Variants in RAI1 observed in about 807,000 individuals in gnomAD.
RAI1 encodes retinoic acid-induced protein 1.
In RAI1, 9 loss-of-function variants were observed where a neutral mutation model predicts 123.8. The ratio of observed to expected loss-of-function variants is 0.07; its 90% CI spans 0.04 to 0.13. The LOEUF is 0.13. RAI1 is among the 10% of genes least tolerant of loss of function. The pLI is 1.00. For missense variants in RAI1, 2,256 were observed against 2,545.8 expected, an observed-to-expected ratio of 0.89 and a Z score of 2.45; for synonymous variants, 1,231 against 1,127.3, an observed-to-expected ratio of 1.09 and a Z score of -1.84.
intron 1 of RAI1, chr17:17,683,956 C>T (rs535059077): frequency 6.6e-6 from 1 of 152,408 alleles, no homozygotes; most frequent in East Asian, 1.9e-4. Flanking sequence ...TCACTTCAGC[C>T]TCAACCTCCA....
intron 1 of RAI1, among the ~76,000 whole-genome samples, chr17:17,708,876 G>A (rs1321725650): frequency 6.6e-6 from 1 of 152,236 alleles, no homozygotes. Flanking sequence ...AAACATTCCA[G>A]CTTCACAGCT....
At chr17:17,774,338 C>T (rs1011968551) in intron 2 of RAI1, among the ~76,000 whole-genome samples, 7 of 152,230 alleles carry the variant, frequency 4.6e-5, no homozygotes, top group African/African-American at 9.6e-5. Flanking sequence ...GTCAGGTACT[C>T]GGTGTTCTTT....
rs1009188943 is a variant in RAI1 at position 17,800,557 on chromosome 17, A to G, written c.5565+2044A>G. 2.0e-5 allele frequency among the ~76,000 whole-genome samples: 3 copies of G among 151,868 alleles called. No individual in the cohort carries two copies. Among genetic ancestry groups the G allele is most frequent in the African/African-American group, 7.3e-5 (3 of 41,332 alleles). On this transcript the variant is annotated intron_variant, in intron 3 of 5. Coordinates refer to ENST00000353383, the MANE Select transcript of RAI1 (RefSeq NM_030665.4). The surrounding 1 kb of genome is among the most constrained non-coding windows in gnomAD (Gnocchi z 4.7). ...GTGTCTTAACCGCCCATGCACACAC[A>G]AGGTCCTGCTGGACTGAGGAGACAG...
intron 2 of RAI1, among the ~76,000 whole-genome samples, chr17:17,750,709 A>AAG (rs1263695515): frequency 1.3e-5 from 2 of 151,376 alleles, no homozygotes; most frequent in African/African-American, 4.9e-5. Context: ...AAAAAAAAAA[A>AAG]AAAAGAAAAG....
In RAI1 at chr17:17,685,218, C is replaced by T. The variant is rs1350899987; in HGVS notation, c.-149+3425C>T. On this transcript the variant is annotated intron_variant, in intron 1 of 5. Transcript: ENST00000353383. The surrounding 1 kb of genome is among the most constrained non-coding windows in gnomAD (Gnocchi z 4.0). ...AACAGCAACGGTGTGCGCAGAGCAG[C>T]GTCTCTGCGGGAGAGGCACCTGGGC... Among the ~76,000 whole-genome samples the T allele has an allele frequency of 1.3e-5, 2 of 152,360 alleles. No homozygotes were observed. Among genetic ancestry groups the T allele is most frequent in the South Asian group, 2.1e-4 (1 of 4,830 alleles).
At chr17:17,737,901 C>A (rs1916489009) in intron 2 of RAI1, among the ~76,000 whole-genome samples, 1 of 152,212 alleles carries the variant, frequency 6.6e-6, no homozygotes, top group Non-Finnish European at 1.5e-5. Context: ...GAAATTTCAG[C>A]CTCAGTGATC....
intron 1 of RAI1, among the ~76,000 whole-genome samples, chr17:17,703,984 C>T (rs753957811): frequency 9.2e-5 from 14 of 152,164 alleles, no homozygotes; most frequent in East Asian, 1.9e-4. Context: ...GGGGACTGAC[C>T]GTGGGAGCAG....
At chr17:17,704,470 C>T (rs542531610) in intron 1 of RAI1, among the ~76,000 whole-genome samples, 1 of 152,250 alleles carries the variant, frequency 6.6e-6, no homozygotes, top group African/African-American at 2.4e-5. Context: ...CCAGGGCAGT[C>T]CTTAACCACC....
rs993434276 is a variant in RAI1 at position 17,800,212 on chromosome 17, C to G, written c.5565+1699C>G. ...TCTCTCTCTCTCTCTCTCTCTCTCT[C>G]TCTCTCTCTCTCTCTCATTACTGGC... On this transcript the variant is annotated intron_variant, in intron 3 of 5. Coordinates refer to ENST00000353383, the MANE Select transcript of RAI1 (RefSeq NM_030665.4). The surrounding 1 kb of genome is among the most constrained non-coding windows in gnomAD (Gnocchi z 4.7). Among the ~76,000 whole-genome samples, 7 of 142,412 alleles carry G rather than the reference C, an allele frequency of 4.9e-5. No individual in the cohort carries two copies. The highest frequency in any genetic ancestry group is 1.6e-4 in the African/African-American group (6 of 37,240). The allele number at this position is 142,412 out of a possible 152,430, so 93.4% of individuals were successfully genotyped here. A position where few individuals can be genotyped will look rare whatever the true frequency, so the allele number is the denominator to read the frequency against.
chr17:17,804,864 A>AT (rs2032565502), intron 4 of RAI1, among the ~76,000 whole-genome samples: 1 of 151,018 alleles, frequency 6.6e-6, no homozygotes, highest in African/African-American at 2.4e-5. Context: ...TTATTTATTT[A>AT]TTTATTTATT....
chr17:17,704,647 C>T (rs1915336277), intron 1 of RAI1, among the ~76,000 whole-genome samples: 1 of 152,154 alleles, frequency 6.6e-6, no homozygotes, highest in Admixed American at 6.5e-5. Flanking sequence ...TATGCATAGT[C>T]CTGACATCAG....
Position 17,775,341 on chromosome 17 carries a change from C to T in RAI1, c.-16-17592C>T, listed in dbSNP as rs544300030. Among the ~76,000 whole-genome samples the T allele has an allele frequency of 5.9e-5, 9 of 151,918 alleles. No individual in the cohort carries two copies. The South Asian group carries it at 1.9e-3, about 32-fold the overall frequency. On this transcript the variant is annotated intron_variant, in intron 2 of 5. Coordinates refer to ENST00000353383, the MANE Select transcript of RAI1 (RefSeq NM_030665.4). ...AGCTCAGCCTCCCAAGTAGCTGAGA[C>T]TACAGGCATGCATCACCATGCCCAG...
chr17:17,774,752 T>C (rs1340484995), intron 2 of RAI1, among the ~76,000 whole-genome samples: 1 of 152,274 alleles, frequency 6.6e-6, no homozygotes, highest in Non-Finnish European at 1.5e-5. Context: ...AAGTAACAGC[T>C]AACTTAGTTG....
chr17:17,720,155 C>G (rs187216060), intron 1 of RAI1, among the ~76,000 whole-genome samples: 2 of 152,208 alleles, frequency 1.3e-5, no homozygotes, highest in Non-Finnish European at 2.9e-5. Flanking sequence ...TCTACCCACC[C>G]TGCCTCTCTG....
intron 2 of RAI1, among the ~76,000 whole-genome samples, chr17:17,776,137 ACTC>A (rs1390360425): frequency 6.6e-6 from 1 of 151,844 alleles, no homozygotes; most frequent in African/African-American, 2.4e-5. Context: ...AGGGGAGCTG[ACTC>A]CTCTTGGCAG....
chr17:17,788,018 G>A (rs77499566), intron 2 of RAI1, among the ~76,000 whole-genome samples: 2,827 of 152,262 alleles, frequency 0.019, 86 homozygotes, highest in African/African-American at 0.064. Context: ...CCTCAACTGA[G>A]CCTGGCTAGG....
rs1337532304 is a variant in RAI1, at chr17:17,810,066, G to T, written c.*85G>T. 2 of 1,518,884 alleles carry T rather than the reference G, an allele frequency of 1.3e-6. No homozygotes were observed. Among genetic ancestry groups the T allele is most frequent in the Non-Finnish European group, 8.9e-7 (1 of 1,129,402 alleles). 94.1% of individuals were successfully genotyped at this position (1,518,884 alleles called of 1,614,324 possible). ...GAGAGGAGCCGCCTGCGCAGCCCCC[G>T]GGCCTTTGAGCTGCTCCCAGCGCTG... On this transcript the variant is annotated 3_prime_UTR_variant, in exon 6 of 6. Coordinates refer to ENST00000353383, the MANE Select transcript of RAI1 (RefSeq NM_030665.4). This position sits in a 1 kb window ranked among gnomAD's most constrained non-coding sequence, Gnocchi z 4.6.
intron 2 of RAI1, among the ~76,000 whole-genome samples, chr17:17,763,700 A>T (rs748922622): frequency 2.6e-5 from 4 of 152,256 alleles, no homozygotes; most frequent in Non-Finnish European, 5.9e-5. Context: ...ACTCATAGTC[A>T]GAATGTTTCT....
intron 1 of RAI1, among the ~76,000 whole-genome samples, chr17:17,696,886 G>A (rs1168971227): frequency 2.0e-5 from 3 of 152,202 alleles, no homozygotes; most frequent in Non-Finnish European, 2.9e-5. Flanking sequence ...ACTCAGACCC[G>A]AGGCCCCTTG....
Sources: allele counts gnomAD v4.1 joint callset (sites outside exome capture counted in the v4.1 genomes callset), GRCh38; gene constraint gnomAD v4.1.1; non-coding constraint Gnocchi (gnomAD v3.1); transcripts MANE v1.5; gene names NCBI Gene and HGNC (gene_info 2026-07-23, HGNC 2026-07-21).